FGD4: variants seen among roughly 807,000 people sequenced by gnomAD.
FGD4 encodes the protein FYVE, RhoGEF and PH domain containing 4, also known as FYVE, RhoGEF and PH domain-containing protein 4.
A neutral mutation model predicts 102.0 loss-of-function variants in FGD4; 42 were observed. The observed-to-expected ratio is 0.41, with a 90% CI of 0.32 to 0.53. The LOEUF (loss-of-function observed/expected upper bound fraction) is 0.53, where lower values mean the gene tolerates loss of function less well. FGD4 is among the 20% of genes least tolerant of loss of function. The pLI is 0.21. For missense variants in FGD4, 902 were observed against 1,078.2 expected, an observed-to-expected ratio of 0.84 and a Z score of 2.29; for synonymous variants, 380 against 375.7, an observed-to-expected ratio of 1.01 and a Z score of -0.13.
chr12:32,619,703 C>T lies in FGD4; in HGVS notation c.1755C>T (p.Asn585=), dbSNP rs2136878570. Residue 585 remains asparagine, a synonymous_variant, in exon 11 of 17, where the codon AAC becomes AAT. Coordinates refer to ENST00000534526, the MANE Select transcript of FGD4 (RefSeq NM_001370298.3). ...SAQERYLFLF[N]NMLLYCVPKF... ...TATGTTCTCGTTCCTTGCAGTTCAACAACATGTTGCTGTACTGTGTGCCCA... is the reference window on the plus strand; with the variant it reads ...TATGTTCTCGTTCCTTGCAGTTCAATAACATGTTGCTGTACTGTGTGCCCA... The T allele has an allele frequency of 6.2e-7, 1 of 1,614,074 alleles. No individual in the cohort carries two copies. The highest frequency in any genetic ancestry group is 1.7e-5 in the Admixed American group (1 of 60,018).
At chr12:32,508,982 CAAGTT>C (rs1939080083) in intron 1 of FGD4, among the ~76,000 whole-genome samples, 1 of 152,226 alleles carries the variant, frequency 6.6e-6, no homozygotes, top group Non-Finnish European at 1.5e-5. Context: ...CACTTTGAAG[CAAGTT>C]AAGATGCAAC....
chr12:32,632,215 G>A (rs1950534015), intron 14 of FGD4, among the ~76,000 whole-genome samples: 1 of 152,144 alleles, frequency 6.6e-6, no homozygotes, highest in Non-Finnish European at 1.5e-5. Flanking sequence ...CTATAATAGA[G>A]AAAAGTTATC....
chr12:32,561,097 TTTTTG>T (rs1944539903), intron 1 of FGD4, among the ~76,000 whole-genome samples: 3 of 131,482 alleles, frequency 2.3e-5, no homozygotes, highest in South Asian at 5.3e-4. Flanking sequence ...TTTTTTTTTT[TTTTTG>T]AGATGGAGTT....
At chr12:32,490,605 G>T (rs1432048136) in intron 1 of FGD4, among the ~76,000 whole-genome samples, 1 of 152,022 alleles carries the variant, frequency 6.6e-6, no homozygotes, top group Admixed American at 6.6e-5. Flanking sequence ...CACCATATTG[G>T]CCAGGCTGGT....
At chr12:32,558,836 A>G (rs992187704) in intron 1 of FGD4, among the ~76,000 whole-genome samples, 2 of 152,232 alleles carry the variant, frequency 1.3e-5, no homozygotes, top group South Asian at 4.1e-4. Context: ...AGGGATTCCT[A>G]TAGGAGATAC....
chr12:32,435,767 G>A (rs995007638), intron 1 of FGD4, among the ~76,000 whole-genome samples: 1 of 151,992 alleles, frequency 6.6e-6, no homozygotes, highest in African/African-American at 2.4e-5. Flanking sequence ...TACATAAAAT[G>A]GTCCATCTAG....
intron 11 of FGD4, among the ~76,000 whole-genome samples, chr12:32,621,128 A>G (rs1949818422): frequency 6.6e-6 from 1 of 151,908 alleles, no homozygotes; most frequent in Admixed American, 6.6e-5. Context: ...TAATCCCAAC[A>G]CTTTGGGAGG....
intron 1 of FGD4, among the ~76,000 whole-genome samples, chr12:32,475,086 G>T (rs1220051703): frequency 1.3e-5 from 2 of 152,152 alleles, no homozygotes; most frequent in Non-Finnish European, 2.9e-5. Context: ...CATTTAGCTC[G>T]ATCTATATCC....
intron 1 of FGD4, among the ~76,000 whole-genome samples, chr12:32,542,284 C>T (rs1942905875): frequency 6.6e-6 from 1 of 152,138 alleles, no homozygotes. Flanking sequence ...GTTTTAGCTG[C>T]TAGATTTCAG....
chr12:32,494,234 G>A (rs1937643188), intron 1 of FGD4, among the ~76,000 whole-genome samples: 1 of 151,966 alleles, frequency 6.6e-6, no homozygotes, highest in Non-Finnish European at 1.5e-5. Context: ...TTTTATTTTT[G>A]TAGAGATGAG....
At chr12:32,514,864 A>G (rs1939739222) in intron 1 of FGD4, among the ~76,000 whole-genome samples, 1 of 152,130 alleles carries the variant, frequency 6.6e-6, no homozygotes. Flanking sequence ...CCAAAAATAA[A>G]TTTCATATTG....
intron 1 of FGD4, among the ~76,000 whole-genome samples, chr12:32,536,775 G>A (rs1279738146): frequency 2.6e-5 from 4 of 151,964 alleles, no homozygotes; most frequent in Non-Finnish European, 5.9e-5. Context: ...CTTGGCCTGG[G>A]GAAAATGAGT....
chr12:32,493,886 G>A (rs914793537), intron 1 of FGD4, among the ~76,000 whole-genome samples: 1 of 152,214 alleles, frequency 6.6e-6, no homozygotes, highest in Non-Finnish European at 1.5e-5. Context: ...TCGATAGGGT[G>A]GTGGGGAAGG....
chr12:32,516,789 T>C (rs1275344510), intron 1 of FGD4, among the ~76,000 whole-genome samples: 1 of 152,194 alleles, frequency 6.6e-6, no homozygotes, highest in East Asian at 1.9e-4. Flanking sequence ...AAAATTATTT[T>C]CCAGTAAAAT....
intron 1 of FGD4, among the ~76,000 whole-genome samples, chr12:32,481,157 A>AC (rs1565767387): frequency 6.8e-6 from 1 of 148,006 alleles, no homozygotes; most frequent in East Asian, 2.0e-4. Flanking sequence ...AAAAAAAAAA[A>AC]GCCGGGCGCA....
chr12:32,420,559 C>A (rs1941591656), intron 1 of FGD4, among the ~76,000 whole-genome samples: 1 of 152,192 alleles, frequency 6.6e-6, no homozygotes, highest in Admixed American at 6.5e-5. Flanking sequence ...GCCTGGCTTT[C>A]TCCCACATTA....
chr12:32,516,982 G>A (rs911330912), intron 1 of FGD4, among the ~76,000 whole-genome samples: 20 of 152,054 alleles, frequency 1.3e-4, no homozygotes, highest in African/African-American at 4.8e-4. Context: ...ATTTAAATCG[G>A]GCAATTTCAG....
intron 1 of FGD4, among the ~76,000 whole-genome samples, chr12:32,500,391 A>ATTTT (rs1272369570): frequency 1.2e-4 from 15 of 129,894 alleles, no homozygotes; most frequent in African/African-American, 4.4e-4. Flanking sequence ...ATTTTATTTT[A>ATTTT]TTTTTATTTT....
Position 32,582,098 on chromosome 12 carries a change from T to C in FGD4, c.642T>C (p.Asn214=). The C allele has an allele frequency of 6.2e-7, 1 of 1,614,078 alleles. No homozygotes were observed. Among genetic ancestry groups the C allele is most frequent in the East Asian group, 2.2e-5 (1 of 44,874 alleles). The change falls in exon 4 of 17, where the codon AAT becomes AAC. Residue 214 remains asparagine (N), a synonymous_variant. Transcript: ENST00000534526. The stretch of plus-strand genomic sequence containing the variant: ...AGCACTTGCCACAGAGGCAGGGAAA[T>C]GATACAGATAAGACTCAGGGTGCAC... ...LSQHLPQRQG[N]DTDKTQGAQT...
Sources: gnomAD v4.1 joint callset for allele counts (sites outside exome capture counted in the v4.1 genomes callset) on GRCh38, gnomAD v4.1.1 for gene constraint, MANE v1.5 for transcripts, NCBI Gene and HGNC (gene_info 2026-07-23, HGNC 2026-07-21) for gene names.